The following ETS1 variants were observed in gnomAD, a reference collection of about 807,000 sequenced individuals.
ETS1 encodes the protein protein C-ets-1.
ETS1 carries 15 observed loss-of-function variants against 58.6 expected under a neutral mutation model. The ratio of observed to expected loss-of-function variants is 0.26; its 90% CI spans 0.17 to 0.39. The LOEUF is 0.39. Among genes scored for constraint, ETS1 ranks in the 10% least tolerant of loss-of-function variants. The pLI is 1.00. For missense variants in ETS1, 417 were observed against 610.5 expected, an observed-to-expected ratio of 0.68 and a Z score of 3.34; for synonymous variants, 214 against 218.2, an observed-to-expected ratio of 0.98 and a Z score of 0.17.
rs1196584899 is a variant in ETS1, at chr11:128,462,358, C to A, written c.*3G>T. ...CAGGGTTTCCCCAGCCCCTTCAGTG[C>A]CATCACTCGTCGGCATCTGGCTTGA... On this transcript the variant is annotated 3_prime_UTR_variant, in exon 10 of 10. Transcript: ENST00000392668. 2 of 1,609,650 alleles carry A rather than the reference C, an allele frequency of 1.2e-6. No individual in the cohort carries two copies. The highest frequency in any genetic ancestry group is 2.2e-5 in the East Asian group (1 of 44,736).
chr11:128,504,325 T>C (rs1406715026), intron 3 of ETS1, among the ~76,000 whole-genome samples: 2 of 152,228 alleles, frequency 1.3e-5, no homozygotes, highest in African/African-American at 2.4e-5. Flanking sequence ...CACATTTCCC[T>C]GCCTCTGTCC....
rs143019664 is a variant in ETS1, at chr11:128,528,527, G to A, written c.214+27764C>T. Reference sequence around the variant, plus strand: ...ACACTCCTAGTACATATTTGAATATGCGTGTCAGTCTCCTACACTCTTTAA... The same window carrying A: ...ACACTCCTAGTACATATTTGAATATACGTGTCAGTCTCCTACACTCTTTAA... On this transcript the variant is annotated intron_variant, in intron 3 of 9. Coordinates refer to ENST00000392668, the MANE Select transcript of ETS1 (RefSeq NM_001143820.2). 5.3e-5 allele frequency among the ~76,000 whole-genome samples: 8 copies of A among 152,202 alleles called. No homozygotes were observed. In the East Asian group the frequency reaches 1.5e-3, roughly 29 times the overall value.
intron 2 of ETS1, among the ~76,000 whole-genome samples, chr11:128,566,275 A>T (rs1864493032): frequency 6.6e-6 from 1 of 152,108 alleles, no homozygotes; most frequent in African/African-American, 2.4e-5. Flanking sequence ...TATCCACCTA[A>T]CACAATCAAA....
rs1158388589 is a variant in ETS1, at chr11:128,460,155, T to C, written c.*2206A>G. ...TGCACACATTCACACACACACCTTTTGCCAGTGCCCAACAAAAATCACATA... is the reference window on the plus strand; with the variant it reads ...TGCACACATTCACACACACACCTTTCGCCAGTGCCCAACAAAAATCACATA... On this transcript the variant is annotated 3_prime_UTR_variant, in exon 10 of 10. Coordinates refer to ENST00000392668, the MANE Select transcript of ETS1 (RefSeq NM_001143820.2). The C allele has an allele frequency of 6.6e-6, 1 of 152,634 alleles. No homozygotes were observed. 9.5% of individuals were successfully genotyped at this position (152,634 alleles called of 1,614,324 possible). A position where few individuals can be genotyped will look rare whatever the true frequency, so the allele number is the denominator to read the frequency against.
At chr11:128,484,089 G>A (rs1276093918) in intron 7 of ETS1, among the ~76,000 whole-genome samples, 3 of 152,170 alleles carry the variant, frequency 2.0e-5, no homozygotes, top group Admixed American at 2.0e-4. Flanking sequence ...AAAATTGGGT[G>A]CATTTTACCT....
At chr11:128,492,996 T>C (rs1340553267) in intron 3 of ETS1, among the ~76,000 whole-genome samples, 1 of 152,154 alleles carries the variant, frequency 6.6e-6, no homozygotes, top group Non-Finnish European at 1.5e-5. Context: ...ACTTGAACTG[T>C]GTGGGTTTTG....
chr11:128,526,994 C>T (rs562346813), intron 3 of ETS1: 1 of 455,746 alleles, frequency 2.2e-6, no homozygotes, highest in South Asian at 1.6e-5. Flanking sequence ...GCAGTTCTCT[C>T]CCTGGCATCT....
chr11:128,566,652 G>C (rs538392582), intron 2 of ETS1, among the ~76,000 whole-genome samples: 1 of 152,076 alleles, frequency 6.6e-6, no homozygotes, highest in Non-Finnish European at 1.5e-5. Context: ...GCACGGTGGT[G>C]GGCGCCTGTA....
chr11:128,565,871 G>A (rs991678679), intron 2 of ETS1, among the ~76,000 whole-genome samples: 5 of 152,166 alleles, frequency 3.3e-5, no homozygotes, highest in Non-Finnish European at 7.3e-5. Flanking sequence ...ATGGTAGCAA[G>A]CACAATCACT....
At position 128,463,401 on chromosome 11, in the gene ETS1, G is replaced by A. The variant is rs1861953628; in HGVS notation, c.1242+108C>T. 4.2e-6 allele frequency: 3 copies of A among 707,968 alleles called. No homozygotes were observed. In the Admixed American group the frequency reaches 6.0e-5, roughly 14 times the overall value. 43.9% of individuals were successfully genotyped at this position (707,968 alleles called of 1,614,324 possible). A position where few individuals can be genotyped will look rare whatever the true frequency, so the allele number is the denominator to read the frequency against. On this transcript the variant is annotated intron_variant, in intron 9 of 9. Transcript: ENST00000392668. The surrounding 1 kb of genome is among the most constrained non-coding windows in gnomAD (Gnocchi z 4.1). The stretch of plus-strand genomic sequence containing the variant: ...CTTGCTCCGGGTGGCAAGTGGCAGA[G>A]CTGGGAATCCCAATCCTGGAACACG...
chr11:128,473,355 T>C (rs1862236672), intron 8 of ETS1, among the ~76,000 whole-genome samples: 1 of 152,238 alleles, frequency 6.6e-6, no homozygotes, highest in Non-Finnish European at 1.5e-5. Context: ...CAGCTAGCAC[T>C]TAGAGCCTAG....
At chr11:128,501,373 C>T (rs943823254) in intron 3 of ETS1, among the ~76,000 whole-genome samples, 2 of 152,220 alleles carry the variant, frequency 1.3e-5, no homozygotes, top group Non-Finnish European at 2.9e-5. Context: ...ACTCAAAGGA[C>T]ATTGCCAGGA....
chr11:128,532,136 A>G (rs1863907523), intron 3 of ETS1, among the ~76,000 whole-genome samples: 1 of 152,164 alleles, frequency 6.6e-6, no homozygotes, highest in Admixed American at 6.5e-5. Flanking sequence ...ATTGTGCCAT[A>G]CACATACATT....
chr11:128,552,022 T>C (rs1191985337), intron 3 of ETS1, among the ~76,000 whole-genome samples: 1 of 152,152 alleles, frequency 6.6e-6, no homozygotes, highest in East Asian at 1.9e-4. Flanking sequence ...GTGATTCTCA[T>C]GTACCCTGGG....
At chr11:128,571,031 G>A (rs1864615489) in intron 2 of ETS1, among the ~76,000 whole-genome samples, 1 of 152,084 alleles carries the variant, frequency 6.6e-6, no homozygotes, top group South Asian at 2.1e-4. Flanking sequence ...GAAAAATGTG[G>A]TAAAAACAGC....
At chr11:128,543,882 G>A (rs1303645621) in intron 3 of ETS1, among the ~76,000 whole-genome samples, 1 of 152,106 alleles carries the variant, frequency 6.6e-6, no homozygotes, top group Non-Finnish European at 1.5e-5. Context: ...CTAAATCCCT[G>A]TTTTTCCATT....
chr11:128,489,577 T>C (rs1862739777), intron 4 of ETS1, 87 bp from the exon 5 acceptor site: 9 of 1,034,848 alleles, frequency 8.7e-6, no homozygotes, highest in Non-Finnish European at 1.4e-5. Flanking sequence ...GGAGCTGAAT[T>C]TAGCTGAGAA....
chr11:128,487,274 A>G (rs1172188355), intron 5 of ETS1, among the ~76,000 whole-genome samples: 2 of 152,202 alleles, frequency 1.3e-5, no homozygotes, highest in Non-Finnish European at 2.9e-5. Flanking sequence ...GGGTGGGAAG[A>G]TATGACTTTT....
chr11:128,564,265 A>T (rs1207520003), intron 2 of ETS1, among the ~76,000 whole-genome samples: 1 of 152,132 alleles, frequency 6.6e-6, no homozygotes, highest in Non-Finnish European at 1.5e-5. Flanking sequence ...GGAACAGGCA[A>T]AATAGGAAAC....
Sources: gnomAD v4.1 joint callset for allele counts (sites outside exome capture counted in the v4.1 genomes callset) on GRCh38, gnomAD v4.1.1 for gene constraint, Gnocchi (gnomAD v3.1) non-coding constraint, MANE v1.5 for transcripts, NCBI Gene and HGNC (gene_info 2026-07-23, HGNC 2026-07-21) for gene names.